The following LINGO2 variants were observed in gnomAD, a reference collection of about 807,000 sequenced individuals.
LINGO2 encodes the protein leucine-rich repeat and immunoglobulin-like domain-containing nogo receptor-interacting protein 2.
Under a neutral mutation model 30.6 loss-of-function variants are expected in LINGO2, and 14 were observed. That is an observed-to-expected ratio of 0.46 (90% CI 0.30 to 0.72). LINGO2 has a LOEUF of 0.72. Ranked by LOEUF, LINGO2 falls within the 30% of genes least tolerant of loss-of-function variation. The probability of loss-of-function intolerance (pLI) is 0.07; values close to 1 mark genes in which losing one functional copy is unlikely to be tolerated. For synonymous variants in LINGO2, 317 were observed against 288.5 expected (o/e 1.10, Z -1.00); for missense variants, 729 against 751.7 (o/e 0.97, Z 0.35).
chr9:28,551,721 T>G (rs765711127), intron 1 of LINGO2, among the ~76,000 whole-genome samples: 5 of 152,062 alleles, frequency 3.3e-5, no homozygotes, highest in African/African-American at 7.2e-5. Flanking sequence ...CTTAATTTAT[T>G]TGGATGGGGA....
intron 1 of LINGO2, among the ~76,000 whole-genome samples, chr9:28,572,592 A>G (rs1170246400): frequency 6.6e-6 from 1 of 152,116 alleles, no homozygotes; most frequent in Non-Finnish European, 1.5e-5. Flanking sequence ...TATAAAATCC[A>G]CCTGCAGCCA....
At chr9:28,741,032 T>G in the LINGO2 span, among the ~76,000 whole-genome samples, 1 of 151,946 alleles carries the variant, frequency 6.6e-6, no homozygotes, top group Non-Finnish European at 1.5e-5. Flanking sequence ...GAGATGGACC[T>G]GAAACTGAGT....
chr9:28,920,232 G>A, the LINGO2 span, among the ~76,000 whole-genome samples: 1 of 151,998 alleles, frequency 6.6e-6, no homozygotes, highest in African/African-American at 2.4e-5. Context: ...TGCACCTGAT[G>A]AAGTCTGGTA....
At chr9:28,634,492 T>TC (rs891119878) in intron 1 of LINGO2, among the ~76,000 whole-genome samples, 4 of 132,400 alleles carry the variant, frequency 3.0e-5, no homozygotes, top group African/African-American at 1.1e-4. Context: ...TTTCTTTTTT[T>TC]TTTTTTTTTT....
the LINGO2 span, among the ~76,000 whole-genome samples, chr9:28,983,298 C>G: frequency 7.8e-5 from 11 of 140,174 alleles, no homozygotes; most frequent in Middle Eastern, 3.6e-3. Context: ...TGTGGTGACC[C>G]ATTTATTATA....
chr9:28,895,257 A>G, the LINGO2 span, among the ~76,000 whole-genome samples: 4 of 152,154 alleles, frequency 2.6e-5, no homozygotes, highest in Non-Finnish European at 4.4e-5. Flanking sequence ...AAGTCATCAG[A>G]ATCAAAATGG....
the LINGO2 span, among the ~76,000 whole-genome samples, chr9:29,173,500 T>A: frequency 6.6e-6 from 1 of 152,256 alleles, no homozygotes; most frequent in African/African-American, 2.4e-5. Context: ...TGCTTTGATC[T>A]CTGTGAGATT....
At chr9:29,150,153 A>G in the LINGO2 span, among the ~76,000 whole-genome samples, 10 of 152,210 alleles carry the variant, frequency 6.6e-5, no homozygotes, top group East Asian at 1.9e-3. Context: ...CCAAATCACA[A>G]TACCAAAAAT....
chr9:28,088,439 C>T (rs2133250696), intron 4 of LINGO2, among the ~76,000 whole-genome samples: 1 of 152,134 alleles, frequency 6.6e-6, no homozygotes, highest in Admixed American at 6.6e-5. Flanking sequence ...CAAGATCTTC[C>T]TTTGCAAACA....
exon 6 of LINGO2, chr9:27,950,299 A>C (rs1277984842): frequency 6.2e-7 from 1 of 1,614,036 alleles, no homozygotes; most frequent in Admixed American, 1.7e-5. Context: ...AGCCCCGTGA[A>C]TACTCCCAAA....
rs977418821 is a variant in LINGO2, at chr9:28,353,448, A to G, written c.-246+19388T>C. On this transcript the variant is annotated intron_variant, in intron 3 of 5. Coordinates refer to ENST00000379992, the Ensembl canonical transcript of LINGO2. Reference sequence around the variant, plus strand: ...CAGAGAAATGCAAATCAAAACCACAATGAGATACCATCTCACACCAGTTAG... The same window carrying G: ...CAGAGAAATGCAAATCAAAACCACAGTGAGATACCATCTCACACCAGTTAG... Among the ~76,000 whole-genome samples, 273 of 151,918 alleles carry G rather than the reference A, an allele frequency of 1.8e-3. 1 individual carries two copies. Among genetic ancestry groups the G allele is most frequent in the African/African-American group, 6.2e-3 (255 of 41,450 alleles).
chr9:29,057,726 G>C, the LINGO2 span, among the ~76,000 whole-genome samples: 1 of 152,048 alleles, frequency 6.6e-6, no homozygotes, highest in Admixed American at 6.6e-5. Context: ...GCATGCATCG[G>C]GCCAGATACC....
chr9:28,145,741 AC>A (rs1827795148), intron 4 of LINGO2, among the ~76,000 whole-genome samples: 1 of 151,990 alleles, frequency 6.6e-6, no homozygotes, highest in Non-Finnish European at 1.5e-5. Flanking sequence ...TTCCTGTCTT[AC>A]CCATTCTTTA....
intron 2 of LINGO2, among the ~76,000 whole-genome samples, chr9:28,431,710 G>T (rs187594668): frequency 1.8e-4 from 28 of 152,252 alleles, no homozygotes; most frequent in African/African-American, 6.5e-4. Flanking sequence ...CTTTCAGAAA[G>T]CCCTGTGGCT....
At chr9:29,211,628 C>T in the LINGO2 span, among the ~76,000 whole-genome samples, 1 of 151,986 alleles carries the variant, frequency 6.6e-6, no homozygotes, top group African/African-American at 2.4e-5. Flanking sequence ...AGCAGCTTTC[C>T]TCAGTTCTCT....
At chr9:28,028,826 A>G (rs772398728) in intron 4 of LINGO2, among the ~76,000 whole-genome samples, 3 of 152,254 alleles carry the variant, frequency 2.0e-5, no homozygotes, top group Non-Finnish European at 4.4e-5. Flanking sequence ...AGGGCTGCCT[A>G]CACTCATATA....
rs150611305 is a variant in LINGO2, at chr9:28,409,620, GGTGTGTGTGT to G, written c.-278-36762_-278-36753del. Among the ~76,000 whole-genome samples, 259 of 146,306 alleles carry G rather than the reference GGTGTGTGTGT, an allele frequency of 1.8e-3. 2 individuals carry two copies. Among genetic ancestry groups the G allele is most frequent in the South Asian group, 9.3e-3 (42 of 4,538 alleles). ...AAAGCTGGCTTAACAGATGTGCAGG[GGTGTGTGTGT>G]GTGTGTGTGTGTGTGTGTGTGTGAT... On this transcript the variant is annotated intron_variant, in intron 2 of 5. Transcript: ENST00000379992.
At chr9:28,703,464 C>A in the LINGO2 span, among the ~76,000 whole-genome samples, 3 of 151,692 alleles carry the variant, frequency 2.0e-5, no homozygotes, top group African/African-American at 4.8e-5. Flanking sequence ...TCACTCTGGT[C>A]TGAGAACAGA....
At chr9:28,482,038 G>A (rs9298896) in intron 1 of LINGO2, among the ~76,000 whole-genome samples, 92,390 of 151,782 alleles carry the variant, frequency 0.61, 28,678 homozygotes, top group South Asian at 0.74. Context: ...AGACATTTGG[G>A]TTGGTTCCAA....
Sources: gnomAD v4.1 joint callset for allele counts (sites outside exome capture counted in the v4.1 genomes callset) on GRCh38, gnomAD v4.1.1 for gene constraint, MANE v1.5 for transcripts, NCBI Gene and HGNC (gene_info 2026-07-23, HGNC 2026-07-21) for gene names.